Variants in C6orf62 observed in about 807,000 individuals in gnomAD.
C6orf62 encodes the protein chromosome 6 open reading frame 62.
A neutral mutation model predicts 26.8 loss-of-function variants in C6orf62; 16 were observed. That is an observed-to-expected ratio of 0.60 (90% CI 0.40 to 0.91). The LOEUF is 0.91. Ranked by LOEUF, C6orf62 falls within the 40% of genes least tolerant of loss-of-function variation. C6orf62 has a pLI of 0.00. For missense variants in C6orf62, 192 were observed against 271.4 expected, an observed-to-expected ratio of 0.71 and a Z score of 2.06; for synonymous variants, 112 against 91.5, an observed-to-expected ratio of 1.22 and a Z score of -1.28.
Position 24,718,799 on chromosome 6 carries a change from G to C in C6orf62, c.-131C>G. On this transcript the variant is annotated 5_prime_UTR_variant, in exon 1 of 5. Coordinates refer to ENST00000378119, the MANE Select transcript of C6orf62 (RefSeq NM_030939.5). ...AATATGATTGATTAGCGAAAATCAC[G>C]ACTATAACCCAAAAACTGCACCTTC... The C allele has an allele frequency of 6.5e-7, 1 of 1,538,078 alleles. No individual in the cohort carries two copies. Among genetic ancestry groups the C allele is most frequent in the Non-Finnish European group, 8.7e-7 (1 of 1,152,192 alleles).
intron 3 of C6orf62, chr6:24,710,140 G>A: frequency 1.0e-6 from 1 of 985,056 alleles, no homozygotes; most frequent in South Asian, 4.7e-5. Flanking sequence ...TAAACAATAG[G>A]AATAAGGTTA....
chr6:24,719,576 A>G (rs1779310793), upstream of C6orf62: 5 of 1,321,022 alleles, frequency 3.8e-6, no homozygotes, highest in Non-Finnish European at 4.8e-6. Flanking sequence ...GAAAAGGGGT[A>G]TATAATACGG....
At chr6:24,709,870 A>G (rs974299108) in intron 3 of C6orf62, 7 of 977,850 alleles carry the variant, frequency 7.2e-6, no homozygotes, top group African/African-American at 5.3e-5. Context: ...AGTTGTACAA[A>G]TAATTGTTAG....
upstream of C6orf62, chr6:24,719,967 G>C (rs956874941): frequency 2.1e-5 from 33 of 1,539,352 alleles, no homozygotes; most frequent in Non-Finnish European, 2.8e-5. Context: ...AAGGTTCAGT[G>C]GGGGAAAAAA....
upstream of C6orf62, chr6:24,719,227 A>T: frequency 1.0e-6 from 1 of 987,670 alleles, no homozygotes; most frequent in Non-Finnish European, 1.2e-6. Flanking sequence ...AGGTGAATGA[A>T]ACTGAAATAT....
chr6:24,712,954 C>T (rs563991247), intron 3 of C6orf62, among the ~76,000 whole-genome samples: 20 of 152,310 alleles, frequency 1.3e-4, no homozygotes, highest in African/African-American at 2.6e-4. Flanking sequence ...ATCAGCCCTG[C>T]GCTGAGAACT....
In C6orf62 at chr6:24,705,997, G is replaced by A; in HGVS notation, c.*140C>T. ...GATAAAAATGATTTAAAAAAATCCAGGATGAACAAGTTTCAAAATGCATAG... is the reference window on the plus strand; with the variant it reads ...GATAAAAATGATTTAAAAAAATCCAAGATGAACAAGTTTCAAAATGCATAG... On this transcript the variant is annotated 3_prime_UTR_variant, in exon 5 of 5. Coordinates refer to ENST00000378119, the MANE Select transcript of C6orf62 (RefSeq NM_030939.5). 8.0e-7 allele frequency: 1 copy of A among 1,247,754 alleles called. No individual in the cohort carries two copies. The highest frequency in any genetic ancestry group is 1.1e-6 in the Non-Finnish European group (1 of 942,462). The allele number at this position is 1,247,754 out of a possible 1,614,324, so 77.3% of individuals were successfully genotyped here.
upstream of C6orf62, chr6:24,720,103 G>C: frequency 7.4e-6 from 9 of 1,208,894 alleles, no homozygotes; most frequent in Non-Finnish European, 9.3e-6. Context: ...GGATTGTTTA[G>C]GGTGGGGTCG....
chr6:24,707,149 A>G (rs939222209), intron 4 of C6orf62: 2 of 152,220 alleles, frequency 1.3e-5, no homozygotes, highest in African/African-American at 4.8e-5. Context: ...CATATGTAAT[A>G]TACTTTACTT....
chr6:24,715,970 C>T (rs927223647), intron 2 of C6orf62, among the ~76,000 whole-genome samples, 178 bp downstream of exon 2: 2 of 148,976 alleles, frequency 1.3e-5, no homozygotes, highest in African/African-American at 2.5e-5. Flanking sequence ...TTTTCTAATC[C>T]TATAAACACA....
chr6:24,715,247 T>A (rs1002630218), intron 2 of C6orf62, among the ~76,000 whole-genome samples: 4 of 152,228 alleles, frequency 2.6e-5, no homozygotes, highest in African/African-American at 7.2e-5. Context: ...TCCAGACCAG[T>A]ATCTGGTTAT....
At position 24,718,938 on chromosome 6, in the gene C6orf62, A is replaced by C; in HGVS notation, c.-270T>G. 1 of 1,243,218 alleles carries C rather than the reference A, an allele frequency of 8.0e-7. No homozygotes were observed. 77.0% of individuals were successfully genotyped at this position (1,243,218 alleles called of 1,614,324 possible). ...CGGGAAAAAGGGAGGAAAGAAAGGA[A>C]AGAAAGAGGAGAAAATAACTAACTT... On this transcript the variant is annotated 5_prime_UTR_variant, in exon 1 of 5. Coordinates refer to ENST00000378119, the MANE Select transcript of C6orf62 (RefSeq NM_030939.5).
intron 2 of C6orf62, 27 bp from the exon 3 acceptor site, chr6:24,714,467 T>G: frequency 7.1e-7 from 1 of 1,409,652 alleles, no homozygotes; most frequent in Non-Finnish European, 9.7e-7. Flanking sequence ...AAAAAAAAAG[T>G]TTACTTTTAA....
intron 3 of C6orf62, among the ~76,000 whole-genome samples, chr6:24,712,678 G>A (rs1312182820): frequency 8.9e-6 from 1 of 112,800 alleles, no homozygotes; most frequent in East Asian, 2.7e-4. Flanking sequence ...GCAACAGAGT[G>A]AGACTCTGTC....
At chr6:24,716,770 T>C (rs981072909) in intron 1 of C6orf62, among the ~76,000 whole-genome samples, 2 of 152,042 alleles carry the variant, frequency 1.3e-5, no homozygotes, top group Admixed American at 6.6e-5. Context: ...TTGCCCAGGC[T>C]AGAGGGCAGT....
chr6:24,710,341 C>T (rs1001880420), intron 3 of C6orf62: 3 of 644,198 alleles, frequency 4.7e-6, no homozygotes. Flanking sequence ...TCTCGGCTCA[C>T]TGCAACCTCC....
rs1000786384 is a variant in C6orf62 at position 24,718,978 on chromosome 6, T to A, written c.-310A>T. The A allele has an allele frequency of 1.8e-5, 21 of 1,154,734 alleles. No homozygotes were observed. Among genetic ancestry groups the A allele is most frequent in the Non-Finnish European group, 2.2e-5 (21 of 933,894 alleles). 71.5% of individuals were successfully genotyped at this position (1,154,734 alleles called of 1,614,324 possible). A position where few individuals can be genotyped will look rare whatever the true frequency, so the allele number is the denominator to read the frequency against. On this transcript the variant is annotated 5_prime_UTR_variant, in exon 1 of 5. Coordinates refer to ENST00000378119, the MANE Select transcript of C6orf62 (RefSeq NM_030939.5). ...ATAACTAACTTTCTGGAAAACACAT[T>A]TGGCTTAACTGCCAAAATAAAGGCT...
chr6:24,709,018 T>C, intron 3 of C6orf62, 107 bp from the exon 4 acceptor site: 1 of 1,501,612 alleles, frequency 6.7e-7, no homozygotes, highest in Non-Finnish European at 8.8e-7. Flanking sequence ...CAGTCCGTTA[T>C]CTTTTCCTCT....
chr6:24,720,381 C>G, upstream of C6orf62: 2 of 1,191,394 alleles, frequency 1.7e-6, no homozygotes, highest in Non-Finnish European at 2.1e-6. Context: ...CGCTGCAGTG[C>G]GCACCGTGAC....
Sources: gnomAD v4.1 joint callset for allele counts (sites outside exome capture counted in the v4.1 genomes callset) on GRCh38, gnomAD v4.1.1 for gene constraint, MANE v1.5 for transcripts, NCBI Gene and HGNC (gene_info 2026-07-23, HGNC 2026-07-21) for gene names.